TENM3: variants seen among roughly 807,000 people sequenced by gnomAD.
The protein encoded by TENM3 is teneurin-3.
A neutral mutation model predicts 255.1 loss-of-function variants in TENM3; 63 were observed. That is an observed-to-expected ratio of 0.25 (90% CI 0.20 to 0.30). The LOEUF (loss-of-function observed/expected upper bound fraction) is 0.30. Ranked by LOEUF, TENM3 falls within the 10% of genes least tolerant of loss-of-function variation. The pLI is 1.00. For synonymous variants in TENM3, 1,306 were observed against 1,322.3 expected (o/e 0.99, Z 0.27); for missense variants, 2,929 against 3,461.1 (o/e 0.85, Z 3.86).
the TENM3 span, among the ~76,000 whole-genome samples, chr4:181,776,116 T>G: frequency 6.6e-6 from 1 of 152,254 alleles, no homozygotes; most frequent in African/African-American, 2.4e-5. Context: ...ATCATTCAAC[T>G]TTCTGCTTCC....
the TENM3 span, among the ~76,000 whole-genome samples, chr4:182,099,349 G>A: frequency 6.6e-6 from 1 of 152,094 alleles, no homozygotes; most frequent in African/African-American, 2.4e-5. Context: ...CCTTAAATGT[G>A]ATCACTGGTT....
chr4:182,610,451 C>T lies in TENM3; in HGVS notation c.749+9290C>T, dbSNP rs538851386. ...ATCCCAGCACTTTGGGAGGCTGAGG[C>T]AGGTGGATCACTTAAGGCCAGGAGT... On this transcript the variant is annotated intron_variant, in intron 4 of 27. Coordinates refer to ENST00000511685, the MANE Select transcript of TENM3 (RefSeq NM_001080477.4). 2.2e-3 allele frequency among the ~76,000 whole-genome samples: 334 copies of T among 152,238 alleles called. 3 individuals carry two copies. Among genetic ancestry groups the T allele is most frequent in the African/African-American group, 7.8e-3 (324 of 41,558 alleles).
chr4:181,930,435 TG>T, the TENM3 span, among the ~76,000 whole-genome samples: 1 of 152,200 alleles, frequency 6.6e-6, no homozygotes, highest in African/African-American at 2.4e-5. Flanking sequence ...GATAATTTCC[TG>T]GACACATACA....
At position 182,793,950 on chromosome 4, in the gene TENM3, A is replaced by C. The variant is rs1766303135; in HGVS notation, c.7213+65A>C. Reference sequence around the variant, plus strand: ...CATCATTAGATTAATACACAAAATAACTGGAAATGCTTTTTTAAAAAACTT... The same window carrying C: ...CATCATTAGATTAATACACAAAATACCTGGAAATGCTTTTTTAAAAAACTT... On this transcript the variant is annotated intron_variant, in intron 26 of 27. Coordinates refer to ENST00000511685, the MANE Select transcript of TENM3 (RefSeq NM_001080477.4). This position sits in a 1 kb window ranked among gnomAD's most constrained non-coding sequence, Gnocchi z 5.7. 2.8e-6 allele frequency: 4 copies of C among 1,405,654 alleles called. 1 individual carries two copies. The South Asian group carries it at 5.9e-5, about 21-fold the overall frequency. The allele number at this position is 1,405,654 out of a possible 1,614,324, so 87.1% of individuals were successfully genotyped here.
At position 182,731,046 on chromosome 4, in the gene TENM3, A is replaced by T. The variant is rs753264738; in HGVS notation, c.2874A>T (p.Gly958=). 5.0e-6 allele frequency: 8 copies of T among 1,613,936 alleles called. No homozygotes were observed. The Admixed American group carries it at 1.3e-4, about 27-fold the overall frequency. ...ACATTCCCAGCTGTGATCTGAGTGGATTCGTGAGGCCAAATCCCATCATTG... is the reference window on the plus strand; with the variant it reads ...ACATTCCCAGCTGTGATCTGAGTGGTTTCGTGAGGCCAAATCCCATCATTG... ...ENDIPSCDLS[G]FVRPNPIIVS... The change falls in exon 16 of 28, where the codon GGA becomes GGT. Residue 958 remains glycine, a synonymous_variant. Transcript: ENST00000511685.
the TENM3 span, among the ~76,000 whole-genome samples, chr4:181,782,976 G>T: frequency 3.9e-5 from 6 of 152,290 alleles, no homozygotes; most frequent in African/African-American, 1.2e-4. Context: ...TTGCACTGTG[G>T]TCTGAGAGAC....
chr4:182,089,256 G>A, the TENM3 span, among the ~76,000 whole-genome samples: 9 of 152,092 alleles, frequency 5.9e-5, no homozygotes, highest in Admixed American at 2.6e-4. Flanking sequence ...GTAATCTTAG[G>A]CACAGAGATT....
At chr4:182,009,058 C>T in the TENM3 span, among the ~76,000 whole-genome samples, 17 of 152,052 alleles carry the variant, frequency 1.1e-4, no homozygotes, top group Admixed American at 8.5e-4. Context: ...TGCTCCTGTG[C>T]CTGGAGATGT....
the TENM3 span, among the ~76,000 whole-genome samples, chr4:181,948,337 C>A: frequency 6.6e-6 from 1 of 152,052 alleles, no homozygotes; most frequent in African/African-American, 2.4e-5. Flanking sequence ...TTTCTTGTAA[C>A]CTTAAGAATA....
At chr4:182,116,301 T>A in the TENM3 span, among the ~76,000 whole-genome samples, 7,461 of 152,234 alleles carry the variant, frequency 0.049, 345 homozygotes, top group East Asian at 0.18. Context: ...TGTAGCCTTT[T>A]CAGACTGGCT....
chr4:181,699,094 C>T, the TENM3 span, among the ~76,000 whole-genome samples: 1 of 152,022 alleles, frequency 6.6e-6, no homozygotes, highest in African/African-American at 2.4e-5. Context: ...GTACCTGACC[C>T]ATTTCTCCAT....
chr4:182,332,076 A>G (rs1338081787), intron 2 of TENM3, among the ~76,000 whole-genome samples: 1 of 152,202 alleles, frequency 6.6e-6, no homozygotes, highest in Non-Finnish European at 1.5e-5. Context: ...GCAGAAACTG[A>G]TTATGTATTT....
the TENM3 span, among the ~76,000 whole-genome samples, chr4:181,515,651 CTT>C: frequency 1.3e-5 from 2 of 152,094 alleles, no homozygotes; most frequent in Non-Finnish European, 2.9e-5. Flanking sequence ...CCAGTTCACT[CTT>C]TAAAATATTC....
rs28504086 is a variant in TENM3, at chr4:182,765,284, A to G, written c.4893-8188A>G. On this transcript the variant is annotated intron_variant, in intron 22 of 27. Transcript: ENST00000511685. Reference sequence around the variant, plus strand: ...GACAAGTGGAAAAAAAGAAGGTGCAAATATGTGAGTTTACAGACTGGAGTT... The same window carrying G: ...GACAAGTGGAAAAAAAGAAGGTGCAGATATGTGAGTTTACAGACTGGAGTT... Among the ~76,000 whole-genome samples the G allele has an allele frequency of 3.4e-3, 514 of 152,316 alleles. 1 individual carries two copies. The highest frequency in any genetic ancestry group is 0.011 in the African/African-American group (457 of 41,574).
At chr4:182,658,777 C>G (rs1478578552) in intron 6 of TENM3, among the ~76,000 whole-genome samples, 1 of 152,194 alleles carries the variant, frequency 6.6e-6, no homozygotes, top group Non-Finnish European at 1.5e-5. Flanking sequence ...ACCAAAGGCT[C>G]CACTGAGCTG....
At chr4:182,311,682 G>T (rs1230038383) in intron 1 of TENM3, among the ~76,000 whole-genome samples, 1 of 152,122 alleles carries the variant, frequency 6.6e-6, no homozygotes, top group Non-Finnish European at 1.5e-5. Context: ...AAAGCACCTG[G>T]CATATTTTAA....
the TENM3 span, among the ~76,000 whole-genome samples, chr4:182,013,006 CA>C: frequency 6.6e-6 from 1 of 151,702 alleles, no homozygotes; most frequent in African/African-American, 2.4e-5. Flanking sequence ...CAAAACAAAA[CA>C]AAACAAAAAC....
At chr4:182,252,813 A>C (rs1162033177) in intron 1 of TENM3, among the ~76,000 whole-genome samples, 5 of 152,140 alleles carry the variant, frequency 3.3e-5, no homozygotes, top group Non-Finnish European at 7.3e-5. Context: ...CGTGTGTCTC[A>C]TTTAATCACA....
chr4:182,674,039 C>T (rs912003562), intron 7 of TENM3, among the ~76,000 whole-genome samples: 1 of 152,050 alleles, frequency 6.6e-6, no homozygotes, highest in Non-Finnish European at 1.5e-5. Context: ...GAGACTTTCC[C>T]CAAGATCAAC....
Sources: allele counts gnomAD v4.1 joint callset (sites outside exome capture counted in the v4.1 genomes callset), GRCh38; gene constraint gnomAD v4.1.1; non-coding constraint Gnocchi (gnomAD v3.1); transcripts MANE v1.5; gene names NCBI Gene and HGNC (gene_info 2026-07-23, HGNC 2026-07-21).